Variants in ADGRL3 observed in about 807,000 individuals in gnomAD.
The protein encoded by ADGRL3 is adhesion G protein-coupled receptor L3.
A neutral mutation model predicts 153.5 loss-of-function variants in ADGRL3; 62 were observed. The observed-to-expected ratio is 0.40, with a 90% CI of 0.33 to 0.50. The LOEUF (loss-of-function observed/expected upper bound fraction) is 0.50, where lower values mean the gene tolerates loss of function less well. Ranked by LOEUF, ADGRL3 falls within the 20% of genes least tolerant of loss-of-function variation. The probability of loss-of-function intolerance (pLI) is 0.47; values close to 1 mark genes in which losing one functional copy is unlikely to be tolerated. For synonymous variants in ADGRL3, 710 were observed against 672.5 expected (o/e 1.06, Z -0.86); for missense variants, 1,641 against 1,859.4 (o/e 0.88, Z 2.16).
At chr4:61,367,389 C>A (rs1028167184) in intron 1 of ADGRL3, among the ~76,000 whole-genome samples, 2 of 151,256 alleles carry the variant, frequency 1.3e-5, no homozygotes, top group Non-Finnish European at 2.9e-5. Flanking sequence ...CCTCCCCACT[C>A]CCCCCACCCC....
chr4:61,969,649 C>A (rs1225882743), intron 17 of ADGRL3, among the ~76,000 whole-genome samples: 2 of 152,070 alleles, frequency 1.3e-5, no homozygotes, highest in Non-Finnish European at 2.9e-5. Context: ...CAAATCAATA[C>A]AGTTAATTCA....
intron 5 of ADGRL3, among the ~76,000 whole-genome samples, chr4:61,635,928 C>G (rs1174185955): frequency 6.6e-6 from 1 of 152,116 alleles, no homozygotes; most frequent in Admixed American, 6.6e-5. Flanking sequence ...TTGTGTATCA[C>G]TGCTGCACTA....
chr4:61,998,150 A>G, intron 20 of ADGRL3, 24 bp from the exon 21 acceptor site: 1 of 1,347,476 alleles, frequency 7.4e-7, no homozygotes, highest in Non-Finnish European at 1.0e-6. Flanking sequence ...ATTATGCTAC[A>G]TAACACTACC....
chr4:61,708,697 A>G (rs2151429084), intron 6 of ADGRL3, among the ~76,000 whole-genome samples: 2 of 152,274 alleles, frequency 1.3e-5, no homozygotes, highest in East Asian at 1.9e-4. Context: ...TTCAAAGAAG[A>G]ACATGGTATT....
Position 62,031,432 on chromosome 4 carries a change from C to T in ADGRL3, c.3423-10C>T. On this transcript the variant is annotated splice_polypyrimidine_tract_variant and intron_variant, in intron 22 of 26. Coordinates refer to ENST00000683033, the MANE Select transcript of ADGRL3 (RefSeq NM_001387552.1). ...ATTTAATAACCCTTAATTTTCTCTT[C>T]TCTCTACAGGTCATGGGTTATAGGT... 1 of 1,579,412 alleles carries T rather than the reference C, an allele frequency of 6.3e-7. No individual in the cohort carries two copies. The highest frequency in any genetic ancestry group is 8.6e-7 in the Non-Finnish European group (1 of 1,162,152).
chr4:61,290,044 A>T (rs2094111996), intron 1 of ADGRL3, among the ~76,000 whole-genome samples: 1 of 152,114 alleles, frequency 6.6e-6, no homozygotes, highest in African/African-American at 2.4e-5. Flanking sequence ...GAAAAATGGA[A>T]AACAAATAAA....
chr4:61,554,807 G>A (rs1056976938), intron 4 of ADGRL3, among the ~76,000 whole-genome samples: 1 of 152,160 alleles, frequency 6.6e-6, no homozygotes, highest in African/African-American at 2.4e-5. Flanking sequence ...CAGATTGACG[G>A]AAGTTTACTT....
chr4:61,455,031 A>C (rs970931395), intron 2 of ADGRL3, among the ~76,000 whole-genome samples: 1 of 152,154 alleles, frequency 6.6e-6, no homozygotes, highest in Non-Finnish European at 1.5e-5. Flanking sequence ...CAAAGCAAAA[A>C]AACAAAAAAA....
intron 21 of ADGRL3, among the ~76,000 whole-genome samples, chr4:62,023,192 G>T (rs1340882591): frequency 1.3e-5 from 2 of 152,148 alleles, no homozygotes; most frequent in African/African-American, 4.8e-5. Context: ...GACTTTAGTG[G>T]AGGAAATAAC....
chr4:61,716,370 G>T (rs914443554), intron 6 of ADGRL3, among the ~76,000 whole-genome samples: 1 of 152,040 alleles, frequency 6.6e-6, no homozygotes, highest in African/African-American at 2.4e-5. Flanking sequence ...TAGCATTGCT[G>T]CCAGGGGTAG....
intron 2 of ADGRL3, among the ~76,000 whole-genome samples, chr4:61,468,688 A>G (rs2097912183): frequency 6.6e-6 from 1 of 152,148 alleles, no homozygotes; most frequent in Non-Finnish European, 1.5e-5. Flanking sequence ...AACAATTGTG[A>G]GACACCATGG....
intron 5 of ADGRL3, among the ~76,000 whole-genome samples, chr4:61,617,335 C>A (rs942443895): frequency 6.6e-6 from 1 of 152,032 alleles, no homozygotes; most frequent in African/African-American, 2.4e-5. Context: ...TGATTGATTT[C>A]ATTCGTATTT....
intron 2 of ADGRL3, among the ~76,000 whole-genome samples, chr4:61,482,753 A>G (rs1267325038): frequency 6.6e-6 from 1 of 152,172 alleles, no homozygotes; most frequent in Non-Finnish European, 1.5e-5. Flanking sequence ...AAAGTTTTCT[A>G]CAGGCTTTTA....
chr4:61,476,684 G>A (rs1443042521), intron 2 of ADGRL3, among the ~76,000 whole-genome samples: 1 of 121,500 alleles, frequency 8.2e-6, no homozygotes, highest in African/African-American at 3.1e-5. Context: ...ACTTCAGCCT[G>A]GGCAACAAGA....
At chr4:61,472,687 G>A (rs967086447) in intron 2 of ADGRL3, among the ~76,000 whole-genome samples, 2 of 151,970 alleles carry the variant, frequency 1.3e-5, no homozygotes, top group East Asian at 3.9e-4. Context: ...TGCCTACTAC[G>A]AAGTTAAGGC....
At chr4:62,063,341 T>C (rs1185607924) in intron 25 of ADGRL3, among the ~76,000 whole-genome samples, 1 of 152,110 alleles carries the variant, frequency 6.6e-6, no homozygotes, top group Non-Finnish European at 1.5e-5. Context: ...TTGTTGGAAA[T>C]GTGTGCTCTA....
chr4:62,011,622 A>G lies in ADGRL3; in HGVS notation c.3395+13357A>G, dbSNP rs1433275642. ...TACTTTTGCTGTTTTCTCAAATCCA[A>G]AGGCATCATATTTTAGCGTAGTATG... On this transcript the variant is annotated intron_variant, in intron 21 of 26. Transcript: ENST00000683033. Among the ~76,000 whole-genome samples the G allele has an allele frequency of 4.6e-5, 7 of 152,204 alleles. No homozygotes were observed. The East Asian group carries it at 5.8e-4, about 13-fold the overall frequency.
At chr4:61,377,126 ACC>A (rs2096612849) in intron 1 of ADGRL3, among the ~76,000 whole-genome samples, 1 of 151,930 alleles carries the variant, frequency 6.6e-6, no homozygotes, top group African/African-American at 2.4e-5. Flanking sequence ...TTTTGCCTTT[ACC>A]TTCCCTATCA....
intron 9 of ADGRL3, among the ~76,000 whole-genome samples, chr4:61,882,844 G>A (rs1317458770): frequency 2.0e-5 from 3 of 152,146 alleles, no homozygotes; most frequent in African/African-American, 7.2e-5. Flanking sequence ...GGTGGCTCAC[G>A]CCTATAATCC....
Sources: allele counts gnomAD v4.1 joint callset (sites outside exome capture counted in the v4.1 genomes callset), GRCh38; gene constraint gnomAD v4.1.1; transcripts MANE v1.5; gene names NCBI Gene and HGNC (gene_info 2026-07-23, HGNC 2026-07-21).